FTO: variants seen among roughly 807,000 people sequenced by gnomAD.
FTO encodes the protein alpha-ketoglutarate-dependent dioxygenase FTO.
Under a neutral mutation model 63.9 loss-of-function variants are expected in FTO, and 47 were observed. That is an observed-to-expected ratio of 0.74 (90% CI 0.58 to 0.94). FTO has a LOEUF of 0.94. FTO is among the 40% of genes least tolerant of loss of function. FTO has a pLI of 0.00. For synonymous variants in FTO, 207 were observed against 224.4 expected, an observed-to-expected ratio of 0.92 and a Z score of 0.69; for missense variants, 562 against 618.1, an observed-to-expected ratio of 0.91 and a Z score of 0.96.
At chr16:53,962,676 G>A (rs2083109760) in intron 8 of FTO, among the ~76,000 whole-genome samples, 1 of 152,192 alleles carries the variant, frequency 6.6e-6, no homozygotes, top group South Asian at 2.1e-4. Flanking sequence ...AGTGTCTGTG[G>A]TGGAGGATTT....
At chr16:53,929,422 G>T (rs1010511688) in intron 7 of FTO, among the ~76,000 whole-genome samples, 1 of 152,160 alleles carries the variant, frequency 6.6e-6, no homozygotes, top group Non-Finnish European at 1.5e-5. Flanking sequence ...ATGTACCACC[G>T]TGTATTTATC....
intron 8 of FTO, among the ~76,000 whole-genome samples, chr16:54,066,333 C>T (rs569646688): frequency 6.6e-6 from 1 of 152,156 alleles, no homozygotes. Context: ...TGACAAGTGA[C>T]ACAACTGGAA....
chr16:53,903,379 C>T (rs2081453413), intron 7 of FTO, among the ~76,000 whole-genome samples: 2 of 152,054 alleles, frequency 1.3e-5, no homozygotes, highest in South Asian at 4.1e-4. Flanking sequence ...CTGCCTCAGC[C>T]TCCCGAGTCG....
At chr16:53,812,414 G>C (rs1234529009) in intron 2 of FTO, among the ~76,000 whole-genome samples, 1 of 151,950 alleles carries the variant, frequency 6.6e-6, no homozygotes, top group South Asian at 2.1e-4. Flanking sequence ...GTAGAGACAT[G>C]GTTTCACCAT....
At chr16:53,770,074 G>C (rs939829928) in intron 1 of FTO, among the ~76,000 whole-genome samples, 1 of 151,860 alleles carries the variant, frequency 6.6e-6, no homozygotes, top group African/African-American at 2.4e-5. Context: ...TTTTTCAGGG[G>C]TCTCTAAAAA....
intron 5 of FTO, among the ~76,000 whole-genome samples, chr16:53,875,069 A>G (rs1437049326): frequency 7.7e-6 from 1 of 129,732 alleles, no homozygotes; most frequent in Non-Finnish European, 1.9e-5. Flanking sequence ...AAGGACGAAC[A>G]GAGGAAGAAA....
intron 1 of FTO, among the ~76,000 whole-genome samples, chr16:53,753,207 C>T (rs1421959343): frequency 6.7e-6 from 1 of 148,814 alleles, no homozygotes; most frequent in East Asian, 2.0e-4. Context: ...GAGCCGTGAT[C>T]GCATCACTGC....
intron 1 of FTO, among the ~76,000 whole-genome samples, chr16:53,759,693 CAAAAAAAAA>C (rs758376530): frequency 3.5e-5 from 1 of 28,516 alleles, no homozygotes; most frequent in Non-Finnish European, 6.6e-5. Flanking sequence ...GACTCCTTCT[CAAAAAAAAA>C]AAAAAAAAAA....
chr16:53,885,352 C>T (rs1004651843), intron 6 of FTO, among the ~76,000 whole-genome samples: 1 of 151,938 alleles, frequency 6.6e-6, no homozygotes, highest in Admixed American at 6.6e-5. Flanking sequence ...TAGTTTTTAC[C>T]CACAACATTG....
intron 8 of FTO, among the ~76,000 whole-genome samples, chr16:54,015,760 A>G (rs987112576): frequency 1.2e-4 from 19 of 152,192 alleles, no homozygotes; most frequent in Admixed American, 7.2e-4. Flanking sequence ...AAGCGCGGGT[A>G]CTTTATTATC....
chr16:53,938,869 C>T (rs758970993), intron 8 of FTO, among the ~76,000 whole-genome samples: 16 of 151,476 alleles, frequency 1.1e-4, no homozygotes, highest in Non-Finnish European at 1.0e-4. Context: ...ACGGGCGGAT[C>T]ATGAGGTCAG....
intron 7 of FTO, among the ~76,000 whole-genome samples, chr16:53,906,485 CG>C (rs1567421179): frequency 6.6e-6 from 1 of 151,966 alleles, no homozygotes; most frequent in Non-Finnish European, 1.5e-5. Flanking sequence ...GTGGGGGACT[CG>C]GGAGGGAAAC....
chr16:53,726,172 A>G (rs1184767015), intron 1 of FTO, among the ~76,000 whole-genome samples: 3 of 69,150 alleles, frequency 4.3e-5, no homozygotes, highest in Non-Finnish European at 9.0e-5. Context: ...ACGATTTTAT[A>G]AACACTCTAA....
At chr16:54,055,952 G>A (rs2085423008) in intron 8 of FTO, among the ~76,000 whole-genome samples, 1 of 152,200 alleles carries the variant, frequency 6.6e-6, no homozygotes, top group African/African-American at 2.4e-5. Context: ...GAAAGTCTTT[G>A]CCCTCCTGGC....
chr16:54,068,834 G>A (rs550247148), intron 8 of FTO, among the ~76,000 whole-genome samples: 12 of 151,996 alleles, frequency 7.9e-5, no homozygotes, highest in Admixed American at 6.5e-4. Flanking sequence ...AGCCCATCTC[G>A]GCAAATAATA....
intron 1 of FTO, among the ~76,000 whole-genome samples, chr16:53,785,771 G>A (rs185746957): frequency 3.9e-5 from 6 of 152,108 alleles, no homozygotes; most frequent in South Asian, 2.1e-4. Flanking sequence ...TTAGCTGGGC[G>A]TGGTGACATG....
At chr16:53,857,264 G>A (rs2080029539) in intron 4 of FTO, among the ~76,000 whole-genome samples, 1 of 152,080 alleles carries the variant, frequency 6.6e-6, no homozygotes, top group South Asian at 2.1e-4. Context: ...GGGCCCTAGT[G>A]TCTGTTGTTC....
chr16:53,851,032 A>T (rs1232412900), intron 4 of FTO, among the ~76,000 whole-genome samples: 1 of 152,168 alleles, frequency 6.6e-6, no homozygotes, highest in Non-Finnish European at 1.5e-5. Context: ...ATCTTGTTCA[A>T]TATGACACTA....
chr16:54,034,047 G>A (rs1365639469), intron 8 of FTO: 4 of 152,148 alleles, frequency 2.6e-5, no homozygotes, highest in East Asian at 1.9e-4. Context: ...GGGTTGCTGC[G>A]AGGGCCCACT....
Sources: allele counts gnomAD v4.1 joint callset (sites outside exome capture counted in the v4.1 genomes callset), GRCh38; gene constraint gnomAD v4.1.1; transcripts MANE v1.5; gene names NCBI Gene and HGNC (gene_info 2026-07-23, HGNC 2026-07-21).